The following TBCK variants were observed in gnomAD, a reference collection of about 807,000 sequenced individuals.
TBCK encodes TBC1 domain containing kinase, also known as TBC domain-containing protein kinase-like protein.
TBCK carries 99 observed loss-of-function variants against 113.4 expected under a neutral mutation model. The ratio of observed to expected loss-of-function variants is 0.87; its 90% confidence interval spans 0.74 to 1.03. The LOEUF (loss-of-function observed/expected upper bound fraction) is 1.03, where lower values mean the gene tolerates loss of function less well. Among genes scored for constraint, TBCK ranks in the 50% least tolerant of loss-of-function variants. TBCK has a pLI of 0.00. For synonymous variants in TBCK, 369 were observed against 370.8 expected (o/e 1.00, Z 0.05); for missense variants, 1,045 against 1,061.3 (o/e 0.98, Z 0.21).
rs544010097 is a variant in TBCK at position 106,107,217 on chromosome 4, A to G, written c.2411+8986T>C. Among the ~76,000 whole-genome samples, 5 of 152,318 alleles carry G rather than the reference A, an allele frequency of 3.3e-5. No individual in the cohort carries two copies. The East Asian group carries it at 9.7e-4, about 29-fold the overall frequency. On this transcript the variant is annotated intron_variant, in intron 24 of 25. Transcript: ENST00000394708. ...ACTTCAACACTCCAATGACAGTATTATACAGATCACTGAAGCAGAAAATTA... is the reference window on the plus strand; with the variant it reads ...ACTTCAACACTCCAATGACAGTATTGTACAGATCACTGAAGCAGAAAATTA...
chr4:106,220,113 A>C (rs72891664), intron 19 of TBCK, among the ~76,000 whole-genome samples: 4,102 of 152,290 alleles, frequency 0.027, 180 homozygotes, highest in African/African-American at 0.094. Flanking sequence ...TTTATAGATA[A>C]CATGGTTTGG....
chr4:106,235,013 G>A (rs764760917), intron 15 of TBCK, among the ~76,000 whole-genome samples: 40 of 151,894 alleles, frequency 2.6e-4, no homozygotes, highest in Admixed American at 5.3e-4. Flanking sequence ...ATATTCTATG[G>A]TAATAATCAA....
rs1440815276 is a variant in TBCK, at chr4:106,257,239, GC to G, written c.455+3197del. ...TGCCATACTTATTACATATGTGCATGCCCTTTCGTCATTTATTGTCAGATTT... is the reference window on the plus strand; with the variant it reads ...TGCCATACTTATTACATATGTGCATGCCTTTCGTCATTTATTGTCAGATTT... On this transcript the variant is annotated intron_variant, in intron 5 of 25. Transcript: ENST00000394708. 2.0e-5 allele frequency among the ~76,000 whole-genome samples: 3 copies of G among 152,054 alleles called. No homozygotes were observed. In the East Asian group the frequency reaches 5.8e-4, roughly 29 times the overall value.
chr4:106,135,421 C>CCAAATAATCTATAATTCAGATAGATGTAT (rs1337787999), intron 23 of TBCK, among the ~76,000 whole-genome samples: 7 of 143,940 alleles, frequency 4.9e-5, no homozygotes, highest in South Asian at 2.3e-4. Context: ...GTCAGTCTGG[C>CCAAATAATCTATAATTCAGATAGATGTAT]TCTGGAGAAT....
At chr4:106,095,889 C>T (rs538605707) in intron 24 of TBCK, among the ~76,000 whole-genome samples, 327 of 152,222 alleles carry the variant, frequency 2.1e-3, no homozygotes, top group Non-Finnish European at 2.3e-3. Context: ...AAGCATCTCT[C>T]ATTACATAAA....
chr4:106,048,164 G>A (rs1734423313), intron 25 of TBCK, among the ~76,000 whole-genome samples: 1 of 152,032 alleles, frequency 6.6e-6, no homozygotes, highest in Non-Finnish European at 1.5e-5. Flanking sequence ...AAAGCAGGTG[G>A]CCCATGGACA....
chr4:106,220,438 A>G (rs541523877), intron 19 of TBCK, among the ~76,000 whole-genome samples: 6 of 152,044 alleles, frequency 3.9e-5, no homozygotes, highest in Non-Finnish European at 7.4e-5. Flanking sequence ...GCATGTCTTT[A>G]TCAGCAGCAT....
chr4:106,304,334 G>C (rs1484662160), intron 2 of TBCK, among the ~76,000 whole-genome samples: 1 of 152,074 alleles, frequency 6.6e-6, no homozygotes, highest in African/African-American at 2.4e-5. Flanking sequence ...GAACAATAAA[G>C]CAAACCCATA....
At chr4:106,289,320 T>C (rs1243258137) in intron 3 of TBCK, among the ~76,000 whole-genome samples, 2 of 152,210 alleles carry the variant, frequency 1.3e-5, no homozygotes, top group Non-Finnish European at 2.9e-5. Context: ...GATCATAAAA[T>C]AGATGTTTCT....
At chr4:106,070,253 T>C (rs1737229789) in intron 25 of TBCK, among the ~76,000 whole-genome samples, 1 of 152,230 alleles carries the variant, frequency 6.6e-6, no homozygotes, top group South Asian at 2.1e-4. Flanking sequence ...TTTTAGCCCA[T>C]TCAGTATGAT....
chr4:106,245,403 T>G (rs1321956997), intron 10 of TBCK, among the ~76,000 whole-genome samples: 1 of 152,188 alleles, frequency 6.6e-6, no homozygotes, highest in Non-Finnish European at 1.5e-5. Context: ...CTAACTGACC[T>G]GGAGAGGGGA....
At position 106,077,481 on chromosome 4, in the gene TBCK, A is replaced by G. The variant is rs1350651173; in HGVS notation, c.2571+18001T>C. Among the ~76,000 whole-genome samples, 5 of 152,250 alleles carry G rather than the reference A, an allele frequency of 3.3e-5. No homozygotes were observed. The East Asian group carries it at 9.6e-4, about 29-fold the overall frequency. On this transcript the variant is annotated intron_variant, in intron 25 of 25. Transcript: ENST00000394708. ...GTAAAGGAATGGAGAAAGATTGATT[A>G]GGTAAATAGAAAACAGAAACAGCAG...
chr4:106,112,196 T>C (rs1383584783), intron 24 of TBCK, among the ~76,000 whole-genome samples: 1 of 152,206 alleles, frequency 6.6e-6, no homozygotes, highest in African/African-American at 2.4e-5. Context: ...ATGCAGATGA[T>C]GCAATCAGTT....
rs752505812 is a variant in TBCK, at chr4:106,244,721, C to T, written c.975G>A (p.Val325=). The T allele has an allele frequency of 1.1e-5, 18 of 1,603,750 alleles. No individual in the cohort carries two copies. Among genetic ancestry groups the T allele is most frequent in the Middle Eastern group, 1.7e-4 (1 of 6,034 alleles). Residue 325 remains valine, a synonymous_variant, in exon 11 of 26, where the codon GTG becomes GTA. Coordinates refer to ENST00000394708, the MANE Select transcript of TBCK (RefSeq NM_001163435.3). The part of the protein sequence containing the change: ...DYLAERSIEE[V]YYLWCLAGGD... ...CTCCAGCCAAACACCAAAGGTAATA[C>T]ACTTCTTCAATAGATCTTTCTGCCA...
At chr4:106,069,201 A>G (rs1042651688) in intron 25 of TBCK, among the ~76,000 whole-genome samples, 10 of 152,146 alleles carry the variant, frequency 6.6e-5, no homozygotes, top group Non-Finnish European at 2.9e-5. Flanking sequence ...TTGGTGTTTT[A>G]GACATGAAGT....
chr4:106,145,219 G>A (rs569842850), intron 23 of TBCK, among the ~76,000 whole-genome samples: 12 of 152,150 alleles, frequency 7.9e-5, no homozygotes, highest in African/African-American at 2.9e-4. Context: ...TTGTGAGGCT[G>A]AGGCAGGAGA....
chr4:106,242,684 AG>A (rs1760296131), intron 11 of TBCK, 115 bp from the exon 12 acceptor site: 1 of 581,252 alleles, frequency 1.7e-6, no homozygotes, highest in South Asian at 2.4e-5. Context: ...ATTAAACTTT[AG>A]ACTGGATGTT....
intron 24 of TBCK, among the ~76,000 whole-genome samples, chr4:106,110,015 T>C (rs1250457761): frequency 6.6e-6 from 1 of 152,178 alleles, no homozygotes; most frequent in African/African-American, 2.4e-5. Context: ...TTGATCTAGA[T>C]AAGTTAGTTT....
chr4:106,303,048 A>G (rs867154219), intron 2 of TBCK, among the ~76,000 whole-genome samples: 31 of 152,178 alleles, frequency 2.0e-4, no homozygotes, highest in Admixed American at 6.5e-4. Context: ...CTTTAAGCAA[A>G]TTAGAAAAAG....
Sources: allele counts gnomAD v4.1 joint callset (sites outside exome capture counted in the v4.1 genomes callset), GRCh38; gene constraint gnomAD v4.1.1; transcripts MANE v1.5; gene names NCBI Gene and HGNC (gene_info 2026-07-23, HGNC 2026-07-21).